PTCH1: variants seen among roughly 807,000 people sequenced by gnomAD.
The protein encoded by PTCH1 is protein patched homolog 1.
PTCH1 carries 14 observed loss-of-function variants against 144.6 expected under a neutral mutation model. The observed-to-expected ratio is 0.10, with a 90% confidence interval of 0.06 to 0.15. PTCH1 has a LOEUF of 0.15. PTCH1 is among the 10% of genes least tolerant of loss of function. PTCH1 has a pLI of 1.00. For missense variants in PTCH1, 1,623 were observed against 1,948.3 expected (o/e 0.83, Z 3.14); for synonymous variants, 833 against 793.6 (o/e 1.05, Z -0.83).
chr9:95,516,676 T>TTTCTTC lies in PTCH1; in HGVS notation c.-211_-206dup, dbSNP rs112914470. 3.1e-6 allele frequency: 5 copies of TTTCTTC among 1,612,498 alleles called. No homozygotes were observed. In the African/African-American group the frequency reaches 5.4e-5, roughly 17 times the overall value. Reference sequence around the variant, plus strand: ...CTGTCGTCTTTTTCTTCTCCTCCGTTTTCTTCTTCTTCTTCTCCTCCTCCT... The same window carrying TTTCTTC: ...CTGTCGTCTTTTTCTTCTCCTCCGTTTTCTTCTTCTTCTTCTTCTTCTCCTCCTCCT... On this transcript the variant is annotated 5_prime_UTR_variant, in exon 1 of 23. Coordinates refer to the PTCH1 transcript ENST00000430669.
chr9:95,451,013 C>T (rs1359445329), intron 20 of PTCH1: 1 of 150,122 alleles, frequency 6.7e-6, no homozygotes, highest in African/African-American at 2.4e-5. Flanking sequence ...AAGGGGGGGG[C>T]AAGATATCTA....
At chr9:95,507,023 C>T in intron 1 of PTCH1, 1 of 990,828 alleles carries the variant, frequency 1.0e-6, no homozygotes, top group Non-Finnish European at 1.2e-6. Context: ...CTCTGTCCAT[C>T]ACCCTCGGGG....
intron 19 of PTCH1, among the ~76,000 whole-genome samples, chr9:95,455,759 C>T (rs73542167): frequency 0.023 from 3,489 of 152,248 alleles, 117 homozygotes; most frequent in African/African-American, 0.079. Context: ...GCCAGTTCCC[C>T]GGGGCTGAAC....
chr9:95,476,705 G>T lies in PTCH1; in HGVS notation c.1602+54C>A. 9 of 1,509,316 alleles carry T rather than the reference G, an allele frequency of 6.0e-6. No homozygotes were observed. The highest frequency in any genetic ancestry group is 1.7e-4 in the Middle Eastern group (1 of 5,902). The allele number at this position is 1,509,316 out of a possible 1,614,324, so 93.5% of individuals were successfully genotyped here. A position where few individuals can be genotyped will look rare whatever the true frequency, so the allele number is the denominator to read the frequency against. ...GGAAAATTAAAGGACAAATACTTAG[G>T]AACAGAGGAAGCTGTGATGTCCCCA... On this transcript the variant is annotated intron_variant, in intron 11 of 23. Coordinates refer to ENST00000331920, the MANE Select transcript of PTCH1 (RefSeq NM_000264.5). This position sits in a 1 kb window ranked among gnomAD's most constrained non-coding sequence, Gnocchi z 4.6.
intron 2 of PTCH1, chr9:95,503,337 G>C (rs1359627984): frequency 1.3e-5 from 2 of 152,198 alleles, no homozygotes; most frequent in African/African-American, 2.4e-5. Flanking sequence ...TAGGACAGCA[G>C]GGAAATCTTA....
At position 95,449,963 on chromosome 9, in the gene PTCH1, G is replaced by C. The variant is rs770195522; in HGVS notation, c.3450-23C>G. On this transcript the variant is annotated intron_variant, in intron 20 of 23. Coordinates refer to ENST00000331920, the MANE Select transcript of PTCH1 (RefSeq NM_000264.5). This position sits in a 1 kb window ranked among gnomAD's most constrained non-coding sequence, Gnocchi z 5.3. ...TACCTGGGAGATCAAGAGGAAACGG[G>C]AACACGCGCTGTGACAGGGTGGATC... 6.2e-7 allele frequency: 1 copy of C among 1,600,374 alleles called. No homozygotes were observed. The highest frequency in any genetic ancestry group is 2.2e-5 in the East Asian group (1 of 44,816).
intron 2 of PTCH1, among the ~76,000 whole-genome samples, chr9:95,490,635 T>G (rs1327267964): frequency 2.0e-5 from 3 of 151,958 alleles, no homozygotes; most frequent in African/African-American, 7.3e-5. Context: ...AATAGGCATC[T>G]CTGTACTCAC....
At chr9:95,496,678 A>AT (rs561318567) in intron 2 of PTCH1, among the ~76,000 whole-genome samples, 52 of 151,720 alleles carry the variant, frequency 3.4e-4, no homozygotes, top group African/African-American at 7.7e-4. Context: ...AACATGTGCA[A>AT]TTTTTTTTTC....
rs202020837 is a variant in PTCH1 at position 95,479,037 on chromosome 9, G to T, written c.1178C>A (p.Ala393Glu). 6.2e-7 allele frequency: 1 copy of T among 1,614,220 alleles called. No individual in the cohort carries two copies. Among genetic ancestry groups the T allele is most frequent in the Non-Finnish European group, 8.5e-7 (1 of 1,180,042 alleles). Reference protein sequence around the residue: ...SHINWNEDKAAAILEAWQRTY... With the variant: ...SHINWNEDKAEAILEAWQRTY... Reference sequence around the variant, plus strand: ...CCTCTGCCAGGCCTCCAGGATGGCTGCCGCTTTGTCCTCGTTCCAGTTGAT... The same window carrying T: ...CCTCTGCCAGGCCTCCAGGATGGCTTCCGCTTTGTCCTCGTTCCAGTTGAT... The change falls in exon 8 of 24, where the codon GCA (alanine) becomes GAA (glutamate). Residue 393 changes from alanine to glutamate, a missense_variant. By Grantham distance (107) the Ala-to-Glu change is moderately radical. Transcript: ENST00000331920.
At chr9:95,511,082 G>A (rs928112778), upstream of PTCH1, among the ~76,000 whole-genome samples, 3 of 149,678 alleles carry the variant, frequency 2.0e-5, no homozygotes, top group South Asian at 2.1e-4. Context: ...CCCCGCGACC[G>A]GCCAATGGTC....
chr9:95,507,905 T>TAC lies in PTCH1; in HGVS notation c.201+254_201+255dup, dbSNP rs139956254. 21,518 of 1,256,728 alleles carry TAC rather than the reference T, an allele frequency of 0.017. 412 individuals carry two copies. The highest frequency in any genetic ancestry group is 0.13 in the African/African-American group (7,947 of 63,418). The allele number at this position is 1,256,728 out of a possible 1,614,324, so 77.8% of individuals were successfully genotyped here. A position where few individuals can be genotyped will look rare whatever the true frequency, so the allele number is the denominator to read the frequency against. On this transcript the variant is annotated intron_variant, in intron 1 of 23. Coordinates refer to ENST00000331920, the MANE Select transcript of PTCH1 (RefSeq NM_000264.5). ...AGGCACACCAGGGAGGGCGTGTGTA[T>TAC]ACACACACACACACGCACACACACA...
exon 1 of PTCH1, chr9:95,516,629 G>A (rs1287511200): frequency 1.9e-6 from 3 of 1,607,284 alleles, no homozygotes; most frequent in Non-Finnish European, 2.5e-6. Flanking sequence ...TTGCCTTGTC[G>A]CTGCGGGTCT....
At chr9:95,500,238 G>T (rs749916098) in intron 2 of PTCH1, among the ~76,000 whole-genome samples, 1 of 152,056 alleles carries the variant, frequency 6.6e-6, no homozygotes, top group Non-Finnish European at 1.5e-5. Flanking sequence ...CTCTCAACTT[G>T]GTGAAGGGTC....
At chr9:95,506,731 G>A in intron 1 of PTCH1, 132 bp from the exon 2 acceptor site, 2 of 1,085,940 alleles carry the variant, frequency 1.8e-6, no homozygotes, top group Non-Finnish European at 2.4e-6. Flanking sequence ...ACACGGACTC[G>A]CCCTCGAGAC....
Position 95,516,804 on chromosome 9 carries a change from C to G in PTCH1, c.-333G>C, listed in dbSNP as rs753812292. 9 of 1,610,264 alleles carry G rather than the reference C, an allele frequency of 5.6e-6. No individual in the cohort carries two copies. The African/African-American group carries it at 1.1e-4, about 19-fold the overall frequency. On this transcript the variant is annotated 5_prime_UTR_variant, in exon 1 of 23. Coordinates refer to the PTCH1 transcript ENST00000430669. Reference sequence around the variant, plus strand: ...CGGACTCACAATTACAAGCCTGTTTCTATTAAGCAGTTCCATGGCCCTCGG... The same window carrying G: ...CGGACTCACAATTACAAGCCTGTTTGTATTAAGCAGTTCCATGGCCCTCGG...
In PTCH1 at chr9:95,444,280, G is replaced by T. The variant is rs893866950; in HGVS notation, c.*2113C>A. On this transcript the variant is annotated 3_prime_UTR_variant, in exon 24 of 24. Transcript: ENST00000331920. ...AGTTCTACACCATGCAGAAATCAGG[G>T]GCCGCGCAGCCTCCGGCGCAACACG... 2.0e-5 allele frequency: 3 copies of T among 151,504 alleles called. No individual in the cohort carries two copies. The highest frequency in any genetic ancestry group is 7.3e-5 in the African/African-American group (3 of 41,150). The allele number at this position is 151,504 out of a possible 1,614,324, so 9.4% of individuals were successfully genotyped here.
intron 18 of PTCH1, among the ~76,000 whole-genome samples, chr9:95,457,372 T>C (rs1398889552): frequency 1.3e-5 from 2 of 152,218 alleles, no homozygotes; most frequent in Non-Finnish European, 2.9e-5. Context: ...AGACTCACGG[T>C]GCAGACACAA....
At chr9:95,475,902 G>C in intron 12 of PTCH1, 132 bp downstream of exon 12, 3 of 1,405,924 alleles carry the variant, frequency 2.1e-6, no homozygotes, top group Non-Finnish European at 2.9e-6. Flanking sequence ...CAGTTAAACA[G>C]AGCCTCAAAC....
rs1334771134 is a variant in PTCH1, at chr9:95,446,497, G to GA, written c.*2-107dup. ...CAGTAACCTTGGTATTAGAAATCAC[G>GA]AGAGTGGGGTGTGGGCCTGAGGTGT... On this transcript the variant is annotated intron_variant, in intron 23 of 23. Transcript: ENST00000331920. 1.0e-5 allele frequency: 5 copies of GA among 480,406 alleles called. No homozygotes were observed. In the East Asian group the frequency reaches 3.0e-4, roughly 29 times the overall value. The allele number at this position is 480,406 out of a possible 1,614,324, so 29.8% of individuals were successfully genotyped here. A position where few individuals can be genotyped will look rare whatever the true frequency, so the allele number is the denominator to read the frequency against.
Sources: gnomAD v4.1 joint callset for allele counts (sites outside exome capture counted in the v4.1 genomes callset) on GRCh38, gnomAD v4.1.1 for gene constraint, Gnocchi (gnomAD v3.1) non-coding constraint, MANE v1.5 for transcripts, NCBI Gene and HGNC (gene_info 2026-07-23, HGNC 2026-07-21) for gene names.